The following PALS2 variants were observed in gnomAD, a reference collection of about 807,000 sequenced individuals.
PALS2 encodes the protein protein associated with LIN7 2, MAGUK p55 family member.
Under a neutral mutation model 61.6 loss-of-function variants are expected in PALS2, and 27 were observed. The ratio of observed to expected loss-of-function variants is 0.44; its 90% confidence interval spans 0.32 to 0.60. PALS2 has a LOEUF of 0.60. Ranked by LOEUF, PALS2 falls within the 20% of genes least tolerant of loss-of-function variation. The pLI is 0.05. For synonymous variants in PALS2, 236 were observed against 218.6 expected (o/e 1.08, Z -0.70); for missense variants, 554 against 639.4 (o/e 0.87, Z 1.44).
intron 1 of PALS2, among the ~76,000 whole-genome samples, chr7:24,611,430 A>G (rs964942853): frequency 6.6e-6 from 1 of 151,988 alleles, no homozygotes; most frequent in Non-Finnish European, 1.5e-5. Context: ...TAATATGTAC[A>G]TTTAAAACTA....
At chr7:24,582,658 T>C (rs1240960714) in intron 1 of PALS2, among the ~76,000 whole-genome samples, 1 of 152,072 alleles carries the variant, frequency 6.6e-6, no homozygotes, top group African/African-American at 2.4e-5. Flanking sequence ...CATAATAAAA[T>C]GTTATATGGA....
intron 5 of PALS2, among the ~76,000 whole-genome samples, chr7:24,661,078 G>T (rs1246774350): frequency 6.6e-6 from 1 of 152,100 alleles, no homozygotes; most frequent in Non-Finnish European, 1.5e-5. Flanking sequence ...AAATATTTTA[G>T]TAGGTGGTGT....
Position 24,641,840 on chromosome 7 carries a change from T to C in PALS2, c.242T>C (p.Val81Ala). 1 of 1,613,154 alleles carries C rather than the reference T, an allele frequency of 6.2e-7. No individual in the cohort carries two copies. Among genetic ancestry groups the C allele is most frequent in the South Asian group, 1.1e-5 (1 of 90,810 alleles). ...GTGGATGAAAATGTGGCAGAATTGG[T>C]TGGTATACTCAAAGAACCTCACTTC... is the stretch of plus-strand genomic sequence containing the variant. Reference protein sequence around the residue: ...INVDENVAELVGILKEPHFQS... With the variant: ...INVDENVAELAGILKEPHFQS... The change falls in exon 3 of 12, where the codon GTT (valine) becomes GCT (alanine). Residue 81 changes from valine to alanine, a missense_variant. Coordinates refer to ENST00000222644, the MANE Select transcript of PALS2 (RefSeq NM_001303037.2).
chr7:24,633,556 A>G (rs551018409), intron 2 of PALS2, among the ~76,000 whole-genome samples: 6 of 146,318 alleles, frequency 4.1e-5, no homozygotes, highest in African/African-American at 1.5e-4. Flanking sequence ...GGGGTTTTTA[A>G]TCCTGCACAG....
chr7:24,671,027 C>G (rs1583986178), intron 9 of PALS2, among the ~76,000 whole-genome samples: 2 of 152,290 alleles, frequency 1.3e-5, no homozygotes, highest in African/African-American at 4.8e-5. Context: ...GCCTGTTTCT[C>G]TTGGGTATAT....
intron 5 of PALS2, among the ~76,000 whole-genome samples, chr7:24,659,985 T>C (rs1786630511): frequency 6.6e-6 from 1 of 152,148 alleles, no homozygotes; most frequent in Non-Finnish European, 1.5e-5. Context: ...CTTTCTCCCT[T>C]CCTGATTTGC....
intron 2 of PALS2, among the ~76,000 whole-genome samples, chr7:24,637,162 A>G (rs1049656342): frequency 2.6e-5 from 4 of 152,052 alleles, no homozygotes; most frequent in African/African-American, 9.7e-5. Context: ...CAGCAGTGCT[A>G]TTTAGAAGTT....
chr7:24,597,944 C>A (rs941773707), intron 1 of PALS2, among the ~76,000 whole-genome samples: 1 of 151,954 alleles, frequency 6.6e-6, no homozygotes, highest in African/African-American at 2.4e-5. Flanking sequence ...TTTGTAGGAC[C>A]AGGGCAATTT....
intron 1 of PALS2, among the ~76,000 whole-genome samples, chr7:24,574,925 A>T (rs552642126): frequency 6.6e-6 from 1 of 152,184 alleles, no homozygotes; most frequent in East Asian, 1.9e-4. Context: ...CTACTGTGCA[A>T]TGATAGGGTA....
At chr7:24,656,530 CT>C (rs879365291) in intron 5 of PALS2, among the ~76,000 whole-genome samples, 1 of 150,868 alleles carries the variant, frequency 6.6e-6, no homozygotes, top group Non-Finnish European at 1.5e-5. Context: ...ATTTCTTTCT[CT>C]TTTTTTTTGA....
At position 24,693,489 on chromosome 7, in the gene PALS2, T is replaced by A. The variant is rs1217687610; in HGVS notation, c.*5875T>A. 1 of 152,144 alleles carries A rather than the reference T, an allele frequency of 6.6e-6. No homozygotes were observed. The highest frequency in any genetic ancestry group is 2.4e-5 in the African/African-American group (1 of 41,436). The allele number at this position is 152,144 out of a possible 1,614,324, so 9.4% of individuals were successfully genotyped here. A position where few individuals can be genotyped will look rare whatever the true frequency, so the allele number is the denominator to read the frequency against. On this transcript the variant is annotated 3_prime_UTR_variant, in exon 12 of 12. Coordinates refer to ENST00000222644, the MANE Select transcript of PALS2 (RefSeq NM_001303037.2). Reference sequence around the variant, plus strand: ...CCAGAAGTCATTACCAGTTAAAATGTGTGGTTTTCATCTTATTCTTAAATA... The same window carrying A: ...CCAGAAGTCATTACCAGTTAAAATGAGTGGTTTTCATCTTATTCTTAAATA...
At chr7:24,680,583 T>A in intron 11 of PALS2, 63 bp downstream of exon 11, 3 of 1,506,176 alleles carry the variant, frequency 2.0e-6, no homozygotes, top group Non-Finnish European at 2.7e-6. Flanking sequence ...TGTTTAACTG[T>A]TATCTAATTT....
chr7:24,639,838 T>TTTTTTTA (rs1785430762), intron 2 of PALS2, among the ~76,000 whole-genome samples: 1 of 133,984 alleles, frequency 7.5e-6, no homozygotes, highest in African/African-American at 2.9e-5. Context: ...TTTTTTTTTT[T>TTTTTTTA]GAGACGGAGT....
chr7:24,604,253 A>G (rs1783820116), intron 1 of PALS2, among the ~76,000 whole-genome samples: 1 of 151,518 alleles, frequency 6.6e-6, no homozygotes, highest in Non-Finnish European at 1.5e-5. Context: ...AAAGAAAAAT[A>G]TGTGAACAAG....
chr7:24,655,698 G>C (rs1033826942), intron 5 of PALS2, among the ~76,000 whole-genome samples: 7 of 143,256 alleles, frequency 4.9e-5, no homozygotes, highest in Non-Finnish European at 1.1e-4. Context: ...GTGCAGTGGC[G>C]TGATCTTGGC....
chr7:24,617,436 C>T (rs74381249), intron 1 of PALS2, among the ~76,000 whole-genome samples: 9,586 of 152,076 alleles, frequency 0.063, 344 homozygotes, highest in African/African-American at 0.093. Context: ...GGAAGTGTCA[C>T]GTTTCTTTGT....
At chr7:24,578,306 A>G (rs1459775276) in intron 1 of PALS2, among the ~76,000 whole-genome samples, 1 of 152,172 alleles carries the variant, frequency 6.6e-6, no homozygotes, top group Non-Finnish European at 1.5e-5. Flanking sequence ...TGTTCCTGGC[A>G]CATAGCTGTC....
chr7:24,666,662 A>G (rs1208163320), intron 8 of PALS2, among the ~76,000 whole-genome samples: 1 of 152,216 alleles, frequency 6.6e-6, no homozygotes, highest in East Asian at 1.9e-4. Context: ...AATCATTCAC[A>G]TTGTACACAT....
intron 5 of PALS2, among the ~76,000 whole-genome samples, chr7:24,657,051 A>G (rs1786456565): frequency 6.6e-6 from 1 of 152,116 alleles, no homozygotes; most frequent in Non-Finnish European, 1.5e-5. Context: ...AGATTCATTC[A>G]TGTTATGTAT....
Sources: gnomAD v4.1 joint callset for allele counts (sites outside exome capture counted in the v4.1 genomes callset) on GRCh38, gnomAD v4.1.1 for gene constraint, MANE v1.5 for transcripts, NCBI Gene and HGNC (gene_info 2026-07-23, HGNC 2026-07-21) for gene names.